The following KLHL26 variants were observed in gnomAD, a reference collection of about 807,000 sequenced individuals.
KLHL26 encodes the protein kelch-like protein 26.
KLHL26 carries 4 observed loss-of-function variants against 7.1 expected under a neutral mutation model. The ratio of observed to expected loss-of-function variants is 0.56; its 90% confidence interval spans 0.28 to 1.28. The LOEUF (loss-of-function observed/expected upper bound fraction) is 1.28. KLHL26 is among the 50% of genes most tolerant of loss of function. KLHL26 has a pLI of 0.11. For missense variants in KLHL26, 896 were observed against 924.6 expected (o/e 0.97, Z 0.40); for synonymous variants, 465 against 414.1 (o/e 1.12, Z -1.49).
chr19:18,664,433 G>T lies in KLHL26; in HGVS notation c.256G>T (p.Asp86Tyr), dbSNP rs752461758. Reference protein sequence around the residue: ...AHKVVLAACSDYFRAMFTGGM... With the variant: ...AHKVVLAACSYYFRAMFTGGM... ...CAAGGTCGTCCTGGCTGCCTGCAGCGACTACTTCAGGTAAGTGCTGGCCCC... is the reference window on the plus strand; with the variant it reads ...CAAGGTCGTCCTGGCTGCCTGCAGCTACTACTTCAGGTAAGTGCTGGCCCC... The change falls in exon 2 of 3, where the codon GAC becomes TAC. Residue 86 changes from aspartate to tyrosine, a missense_variant. Asp to Tyr is a radical substitution (Grantham distance 160, BLOSUM62 -3). Transcript: ENST00000300976. The T allele has an allele frequency of 6.3e-7, 1 of 1,583,274 alleles. No individual in the cohort carries two copies. Among genetic ancestry groups the T allele is most frequent in the South Asian group, 1.1e-5 (1 of 88,438 alleles).
In KLHL26 at chr19:18,650,058, TGGA is replaced by T. The variant is rs1332857482; in HGVS notation, c.83+12926_83+12928del. On this transcript the variant is annotated intron_variant, in intron 1 of 2. Coordinates refer to ENST00000300976, the MANE Select transcript of KLHL26 (RefSeq NM_018316.3). The surrounding 1 kb of genome is among the most constrained non-coding windows in gnomAD (Gnocchi z 4.2). ...CTTCCGGAATTGAACAGGCTGGGCCTGGAGGAGATCTTGAGGGGTGGACCTTCA... is the reference window on the plus strand; with the variant it reads ...CTTCCGGAATTGAACAGGCTGGGCCTGGAGATCTTGAGGGGTGGACCTTCA... 6.6e-6 allele frequency among the ~76,000 whole-genome samples: 1 copy of T among 152,156 alleles called. No homozygotes were observed. Among genetic ancestry groups the T allele is most frequent in the Non-Finnish European group, 1.5e-5 (1 of 68,006 alleles).
chr19:18,666,359 C>T (rs2145409795), intron 2 of KLHL26, among the ~76,000 whole-genome samples: 2 of 152,242 alleles, frequency 1.3e-5, no homozygotes, highest in South Asian at 4.1e-4. Context: ...AGGGATGTTC[C>T]CTCCTCCTCG....
chr19:18,639,403 G>GTTTTCTTT lies in KLHL26; in HGVS notation c.83+2270_83+2271insCTTTTTTT, dbSNP rs754775329. Among the ~76,000 whole-genome samples, 7 of 71,230 alleles carry GTTTTCTTT rather than the reference G, an allele frequency of 9.8e-5. 1 individual carries two copies. The Admixed American group carries it at 1.0e-3, about 10-fold the overall frequency. The allele number at this position is 71,230 out of a possible 152,430, so 46.7% of individuals were successfully genotyped here. A position where few individuals can be genotyped will look rare whatever the true frequency, so the allele number is the denominator to read the frequency against. On this transcript the variant is annotated intron_variant, in intron 1 of 2. Coordinates refer to ENST00000300976, the MANE Select transcript of KLHL26 (RefSeq NM_018316.3). ...TTCACTCATTTTAATTTATCATTAAGTTTTTTTTTTTTTTTTTTTTTTTTT... is the reference window on the plus strand; with the variant it reads ...TTCACTCATTTTAATTTATCATTAAGTTTTCTTTTTTTTTTTTTTTTTTTTTTTTTTTT...
At position 18,668,973 on chromosome 19, in the gene KLHL26, G is replaced by A. The variant is rs780484824; in HGVS notation, c.1576G>A (p.Val526Met). Residue 526 changes from valine (V) to methionine (M), a missense_variant, in exon 3 of 3, where the codon GTG becomes ATG. Coordinates refer to ENST00000300976, the MANE Select transcript of KLHL26 (RefSeq NM_018316.3). ...RMDHVDRCFD[V>M]LAVEYYVPET... ...GGACCACGTGGACCGCTGCTTCGAC[G>A]TGCTGGCTGTGGAGTACTATGTGCC... 6 of 1,612,188 alleles carry A rather than the reference G, an allele frequency of 3.7e-6. No homozygotes were observed. The East Asian group carries it at 6.7e-5, about 18-fold the overall frequency.
chr19:18,649,400 G>A lies in KLHL26; in HGVS notation c.83+12263G>A, dbSNP rs2145381216. Among the ~76,000 whole-genome samples, 2 of 152,312 alleles carry A rather than the reference G, an allele frequency of 1.3e-5. No individual in the cohort carries two copies. The highest frequency in any genetic ancestry group is 2.1e-4 in the South Asian group (1 of 4,824). ...CTCTGCATGCCCAGGCTGGCCGAGG[G>A]TCATCCGCCTCTTCCTCTTCACTTC... is the stretch of plus-strand genomic sequence containing the variant. On this transcript the variant is annotated intron_variant, in intron 1 of 2. Transcript: ENST00000300976. This position sits in a 1 kb window ranked among gnomAD's most constrained non-coding sequence, Gnocchi z 4.0.
At chr19:18,667,286 C>T (rs1568463374) in intron 2 of KLHL26, 2 of 301,746 alleles carry the variant, frequency 6.6e-6, no homozygotes, top group Non-Finnish European at 1.3e-5. Context: ...CCACCCACCT[C>T]GGCCTCCCAA....
At chr19:18,651,762 T>C (rs1339126178) in intron 1 of KLHL26, among the ~76,000 whole-genome samples, 1 of 152,268 alleles carries the variant, frequency 6.6e-6, no homozygotes, top group East Asian at 1.9e-4. Context: ...AATTCAGCAG[T>C]GCTAGAATTT....
In KLHL26 at chr19:18,664,399, T is replaced by G; in HGVS notation, c.222T>G (p.Phe74Leu). ...DVVLTINREA[F>L]PAHKVVLAAC... ...TGCTGACTATTAACAGAGAGGCCTT[T>G]CCTGCACACAAGGTCGTCCTGGCTG... Residue 74 changes from phenylalanine to leucine, a missense_variant, in exon 2 of 3, where the codon TTT (phenylalanine) becomes TTG (leucine). Physicochemically the swap from Phe to Leu is conservative, Grantham distance 22. Coordinates refer to ENST00000300976, the MANE Select transcript of KLHL26 (RefSeq NM_018316.3). The G allele has an allele frequency of 6.2e-7, 1 of 1,604,204 alleles. No individual in the cohort carries two copies. The highest frequency in any genetic ancestry group is 8.5e-7 in the Non-Finnish European group (1 of 1,176,208).
At chr19:18,651,874 G>T (rs544420983) in intron 1 of KLHL26, among the ~76,000 whole-genome samples, 2 of 152,384 alleles carry the variant, frequency 1.3e-5, no homozygotes, top group East Asian at 3.8e-4. Context: ...CCCTGCTGCC[G>T]GCCCAATGCA....
chr19:18,657,744 C>A (rs976667020), intron 1 of KLHL26, among the ~76,000 whole-genome samples: 1 of 152,162 alleles, frequency 6.6e-6, no homozygotes, highest in South Asian at 2.1e-4. Flanking sequence ...AGGCAGAGAA[C>A]AGCAGGTGCC....
In KLHL26 at chr19:18,650,393, C is replaced by T. The variant is rs1048833704; in HGVS notation, c.83+13256C>T. Among the ~76,000 whole-genome samples, 7 of 152,128 alleles carry T rather than the reference C, an allele frequency of 4.6e-5. No homozygotes were observed. Among genetic ancestry groups the T allele is most frequent in the Non-Finnish European group, 7.4e-5 (5 of 68,020 alleles). The stretch of plus-strand genomic sequence containing the variant: ...ACGTAGGGGAGCCCCACAGAGGACC[C>T]CCAAGACACCCTCTCTGTTGCCATC... On this transcript the variant is annotated intron_variant, in intron 1 of 2. Transcript: ENST00000300976. The surrounding 1 kb of genome is among the most constrained non-coding windows in gnomAD (Gnocchi z 4.2).
At chr19:18,640,904 C>T (rs1294536367) in intron 1 of KLHL26, among the ~76,000 whole-genome samples, 1 of 152,148 alleles carries the variant, frequency 6.6e-6, no homozygotes, top group Non-Finnish European at 1.5e-5. Flanking sequence ...TGCATCCCCA[C>T]CAGCAATGTT....
intron 1 of KLHL26, among the ~76,000 whole-genome samples, chr19:18,640,399 A>G (rs115032861): frequency 0.017 from 2,525 of 151,962 alleles, 32 homozygotes; most frequent in South Asian, 0.049. Context: ...ATGCCACCAC[A>G]CCCAGCTATT....
In KLHL26 at chr19:18,668,123, G is replaced by GC. The variant is rs1568464393; in HGVS notation, c.727dup (p.Arg243ProfsTer93). 1.3e-6 allele frequency: 2 copies of GC among 1,599,230 alleles called. No homozygotes were observed. Among genetic ancestry groups the GC allele is most frequent in the South Asian group, 2.2e-5 (2 of 90,866 alleles). On this transcript the variant is annotated frameshift_variant, in exon 3 of 3. Transcript: ENST00000300976. LOFTEE classifies it low-confidence loss of function (END_TRUNC). ...TGCAGCATGACCCGGCCCGGCGGCC[G>GC]CGCGCCAGCCACGTGCTCTGCCACA... is the stretch of plus-strand genomic sequence containing the variant.
Position 18,667,806 on chromosome 19 carries a change from C to CT in KLHL26, c.410dup (p.Ala139ArgfsTer99). On this transcript the variant is annotated frameshift_variant, in exon 3 of 3. Transcript: ENST00000300976. LOFTEE classifies it low-confidence loss of function (END_TRUNC). ...GGACCTGGACTGCGTGCAGGACGTG[C>CT]TGGGCGCGGCCGTGTTCTTGCAGAT... The CT allele has an allele frequency of 6.2e-7, 1 of 1,613,394 alleles. No homozygotes were observed. Among genetic ancestry groups the CT allele is most frequent in the Non-Finnish European group, 8.5e-7 (1 of 1,179,988 alleles).
At position 18,669,665 on chromosome 19, in the gene KLHL26, T is replaced by C. The variant is rs1568466220; in HGVS notation, c.*420T>C. ...AACATTGAACCCAAAGTCGGTGGTA[T>C]ATGACTCACCCTCCTTCCAAGTCTC... On this transcript the variant is annotated 3_prime_UTR_variant, in exon 3 of 3. Transcript: ENST00000300976. The C allele has an allele frequency of 3.2e-6, 1 of 315,366 alleles. No homozygotes were observed. The highest frequency in any genetic ancestry group is 2.1e-5 in the African/African-American group (1 of 46,534). The allele number at this position is 315,366 out of a possible 1,614,324, so 19.5% of individuals were successfully genotyped here.
Position 18,650,560 on chromosome 19 carries a change from G to A in KLHL26, c.83+13423G>A. ...GGCTCCCCCTCCTCGGGTCCTCGTG[G>A]CTCTCTGTCGTGTGAAGCGGGGGGT... On this transcript the variant is annotated intron_variant, in intron 1 of 2. Coordinates refer to ENST00000300976, the MANE Select transcript of KLHL26 (RefSeq NM_018316.3). This position sits in a 1 kb window ranked among gnomAD's most constrained non-coding sequence, Gnocchi z 4.2. 6.6e-6 allele frequency among the ~76,000 whole-genome samples: 1 copy of A among 152,156 alleles called. No homozygotes were observed. Among genetic ancestry groups the A allele is most frequent in the Admixed American group, 6.6e-5 (1 of 15,264 alleles).
intron 1 of KLHL26, among the ~76,000 whole-genome samples, chr19:18,661,498 C>T (rs2052391335): frequency 6.6e-6 from 1 of 152,172 alleles, no homozygotes; most frequent in Admixed American, 6.5e-5. Flanking sequence ...TAGCATCCCA[C>T]TGTGTGCACT....
intron 2 of KLHL26, among the ~76,000 whole-genome samples, chr19:18,666,527 C>A (rs1050411837): frequency 5.3e-5 from 8 of 152,220 alleles, no homozygotes; most frequent in Non-Finnish European, 1.0e-4. Context: ...TGACCTAGAA[C>A]CGTGTGCCTC....
Sources: gnomAD v4.1 joint callset for allele counts (sites outside exome capture counted in the v4.1 genomes callset) on GRCh38, gnomAD v4.1.1 for gene constraint, Gnocchi (gnomAD v3.1) non-coding constraint, MANE v1.5 for transcripts, NCBI Gene and HGNC (gene_info 2026-07-23, HGNC 2026-07-21) for gene names.